The following LIG3 variants were observed in gnomAD, a reference collection of about 807,000 sequenced individuals.
The protein encoded by LIG3 is ligase II, DNA, ATP-dependent.
A neutral mutation model predicts 110.9 loss-of-function variants in LIG3; 58 were observed. The observed-to-expected ratio is 0.52, with a 90% CI of 0.42 to 0.65. The LOEUF is 0.65. Among genes scored for constraint, LIG3 ranks in the 30% least tolerant of loss-of-function variants. The pLI is 0.00. For missense variants in LIG3, 1,094 were observed against 1,273.8 expected, an observed-to-expected ratio of 0.86 and a Z score of 2.15; for synonymous variants, 422 against 472.8, an observed-to-expected ratio of 0.89 and a Z score of 1.39.
intron 4 of LIG3, among the ~76,000 whole-genome samples, chr17:34,990,430 C>T (rs1459405324): frequency 6.6e-6 from 1 of 152,168 alleles, no homozygotes; most frequent in Non-Finnish European, 1.5e-5. Context: ...TAGGCATGTG[C>T]CGCTATGCCT....
intron 18 of LIG3, 135 bp downstream of exon 18, chr17:35,002,239 C>G (rs890743944): frequency 1.3e-6 from 1 of 788,074 alleles, no homozygotes. Context: ...ACACAGACTA[C>G]ATTCCTGGTG....
chr17:35,000,757 A>G (rs1035646156), intron 16 of LIG3, among the ~76,000 whole-genome samples: 1 of 151,204 alleles, frequency 6.6e-6, no homozygotes, highest in African/African-American at 2.4e-5. Context: ...CTGGGATTAC[A>G]GGGGTGCCAC....
chr17:34,999,560 C>A (rs1225685259), intron 15 of LIG3, 111 bp downstream of exon 15: 1 of 1,380,280 alleles, frequency 7.2e-7, no homozygotes. Context: ...AGAAGGGTTG[C>A]AGCTTGCTCA....
chr17:35,007,208 C>T lies in LIG3; in HGVS notation c.*2702C>T, dbSNP rs1200849199. 2.6e-5 allele frequency: 4 copies of T among 152,300 alleles called. No homozygotes were observed. Among genetic ancestry groups the T allele is most frequent in the Non-Finnish European group, 4.4e-5 (3 of 68,086 alleles). 9.4% of individuals were successfully genotyped at this position (152,300 alleles called of 1,614,324 possible). A position where few individuals can be genotyped will look rare whatever the true frequency, so the allele number is the denominator to read the frequency against. On this transcript the variant is annotated 3_prime_UTR_variant, in exon 20 of 20. Transcript: ENST00000378526. ...TGGTTGCTTACACCCAGAGTGCACA[C>T]TCACAGGAAAGGGCCTCTGCTGGCT...
chr17:34,998,838 C>T (rs918523762), intron 14 of LIG3, 111 bp downstream of exon 14: 28 of 1,367,130 alleles, frequency 2.0e-5, no homozygotes, highest in African/African-American at 1.0e-4. Context: ...TTATGACTTC[C>T]GAAGTCCTAG....
intron 3 of LIG3, among the ~76,000 whole-genome samples, chr17:34,988,092 C>T (rs531853968): frequency 6.8e-6 from 1 of 147,644 alleles, no homozygotes; most frequent in Non-Finnish European, 1.5e-5. Flanking sequence ...ACTCAGGAGG[C>T]TGAGGCAGGA....
chr17:34,988,414 T>C (rs1484997655), intron 3 of LIG3, among the ~76,000 whole-genome samples: 2 of 152,126 alleles, frequency 1.3e-5, no homozygotes, highest in Middle Eastern at 3.2e-3. Context: ...CCTAAAATCA[T>C]ATTTAGATTC....
In LIG3 at chr17:35,002,657, C is replaced by G; in HGVS notation, c.2675-11C>G. The G allele has an allele frequency of 1.2e-6, 2 of 1,611,080 alleles. No individual in the cohort carries two copies. The highest frequency in any genetic ancestry group is 1.7e-6 in the Non-Finnish European group (2 of 1,178,912). On this transcript the variant is annotated splice_polypyrimidine_tract_variant and intron_variant, in intron 18 of 19. Coordinates refer to ENST00000378526, the MANE Select transcript of LIG3 (RefSeq NM_013975.4). The stretch of plus-strand genomic sequence containing the variant: ...TGCACCACCACACCCAGCTTCCTCT[C>G]TGTCCTGCAGGCAACATGCAGACTG...
At chr17:35,004,245 C>A in intron 19 of LIG3, 28 bp from the exon 20 acceptor site, 1 of 1,575,074 alleles carries the variant, frequency 6.3e-7, no homozygotes, top group Non-Finnish European at 8.7e-7. Flanking sequence ...GTAGGTCTGA[C>A]CCCACCCTGA....
At chr17:34,986,749 T>G (rs748389122) in intron 3 of LIG3, among the ~76,000 whole-genome samples, 1 of 152,254 alleles carries the variant, frequency 6.6e-6, no homozygotes, top group Non-Finnish European at 1.5e-5. Context: ...AGAACCTGTC[T>G]TTTACTTCCT....
rs1318085297 is a variant in LIG3, at chr17:35,007,897, T to C, written c.*3391T>C. The C allele has an allele frequency of 6.6e-6, 1 of 152,130 alleles. No individual in the cohort carries two copies. The highest frequency in any genetic ancestry group is 2.4e-5 in the African/African-American group (1 of 41,418). The allele number at this position is 152,130 out of a possible 1,614,324, so 9.4% of individuals were successfully genotyped here. A position where few individuals can be genotyped will look rare whatever the true frequency, so the allele number is the denominator to read the frequency against. On this transcript the variant is annotated 3_prime_UTR_variant, in exon 20 of 20. Transcript: ENST00000378526. ...TTAACAAACAGGCACACACCATCACTCGCAGCTAAGTTTTTGTATTTTTAG... is the reference window on the plus strand; with the variant it reads ...TTAACAAACAGGCACACACCATCACCCGCAGCTAAGTTTTTGTATTTTTAG...
rs2090734301 is a variant in LIG3 at position 34,992,542 on chromosome 17, C to A, written c.1305C>A (p.Pro435=). 2 of 1,605,114 alleles carry A rather than the reference C, an allele frequency of 1.2e-6. No individual in the cohort carries two copies. The highest frequency in any genetic ancestry group is 8.5e-7 in the Non-Finnish European group (1 of 1,176,232). ...GAKHVLDALD[P]NAYEAFKASR... ...TTGGCAGGTTAGACGCCCTTGACCC[C>A]AATGCCTATGAAGCCTTCAAAGCCT... The change falls in exon 8 of 20, where the codon CCC becomes CCA. Residue 435 remains proline (P), a synonymous_variant. Transcript: ENST00000378526.
chr17:34,991,732 C>T lies in LIG3; in HGVS notation c.1103C>T (p.Ala368Val), dbSNP rs759959678. The T allele has an allele frequency of 1.2e-6, 2 of 1,614,052 alleles. No individual in the cohort carries two copies. Among genetic ancestry groups the T allele is most frequent in the South Asian group, 1.1e-5 (1 of 91,084 alleles). ...CAGAGCAAGTCTTTCCCCCCAGCTG[C>T]CAAGAGCCTCCTTACCATCCAGGAA... ...FEQSKSFPPAAKSLLTIQEVD... is the reference protein window; with the variant it reads ...FEQSKSFPPAVKSLLTIQEVD... The change falls in exon 6 of 20, where the codon GCC (alanine) becomes GTC (valine). Residue 368 changes from alanine to valine, a missense_variant. Transcript: ENST00000378526.
intron 2 of LIG3, among the ~76,000 whole-genome samples, chr17:34,984,636 A>T (rs1230847076): frequency 2.0e-5 from 3 of 148,310 alleles, no homozygotes; most frequent in Admixed American, 2.0e-4. Flanking sequence ...GTCATGGGGT[A>T]TCTGTTTCTT....
intron 8 of LIG3, among the ~76,000 whole-genome samples, chr17:34,993,311 T>C (rs2090745083): frequency 6.6e-6 from 1 of 152,168 alleles, no homozygotes; most frequent in Non-Finnish European, 1.5e-5. Flanking sequence ...TTTTGAGTGA[T>C]GTACAGTGCT....
intron 9 of LIG3, 55 bp from the exon 10 acceptor site, chr17:34,996,009 T>A (rs1597798357): frequency 6.3e-7 from 1 of 1,584,954 alleles, no homozygotes; most frequent in Admixed American, 1.7e-5. Context: ...CATGGCATGG[T>A]TTGAGGTCCC....
At chr17:34,986,906 A>G (rs1228960304) in intron 3 of LIG3, among the ~76,000 whole-genome samples, 1 of 152,214 alleles carries the variant, frequency 6.6e-6, no homozygotes, top group African/African-American at 2.4e-5. Context: ...TTCATGGAAC[A>G]CAAAGGAAGG....
chr17:34,991,530 C>G, intron 5 of LIG3, 141 bp from the exon 6 acceptor site: 1 of 772,034 alleles, frequency 1.3e-6, no homozygotes, highest in Non-Finnish European at 2.1e-6. Context: ...GGGCTAGTGT[C>G]TCTAAGAAGT....
chr17:34,994,510 C>T (rs908969401), intron 9 of LIG3, 79 bp downstream of exon 9: 21 of 1,394,170 alleles, frequency 1.5e-5, no homozygotes, highest in Non-Finnish European at 2.0e-5. Context: ...GTCCCATAGC[C>T]ATTCCAGCTG....
Sources: allele counts gnomAD v4.1 joint callset (sites outside exome capture counted in the v4.1 genomes callset), GRCh38; gene constraint gnomAD v4.1.1; transcripts MANE v1.5; gene names NCBI Gene and HGNC (gene_info 2026-07-23, HGNC 2026-07-21).